TBC1D5: variants seen among roughly 807,000 people sequenced by gnomAD.
TBC1D5 encodes TBC1 domain family, member 5.
In TBC1D5, 75 loss-of-function variants were observed where a neutral mutation model predicts 100.3. That is an observed-to-expected ratio of 0.75 (90% CI 0.62 to 0.91). TBC1D5 has a LOEUF of 0.91. Among genes scored for constraint, TBC1D5 ranks in the 40% least tolerant of loss-of-function variants. The probability of loss-of-function intolerance (pLI) is 0.00; values close to 1 mark genes in which losing one functional copy is unlikely to be tolerated. For missense variants in TBC1D5, 910 were observed against 942.4 expected (o/e 0.97, Z 0.45); for synonymous variants, 323 against 325.6 (o/e 0.99, Z 0.09).
At chr3:17,190,482 A>T (rs1559379275) in intron 18 of TBC1D5, among the ~76,000 whole-genome samples, 1 of 152,242 alleles carries the variant, frequency 6.6e-6, no homozygotes, top group Non-Finnish European at 1.5e-5. Flanking sequence ...TATGGCACCT[A>T]GGCAACCAGG....
intron 1 of TBC1D5, among the ~76,000 whole-genome samples, chr3:17,639,529 C>T (rs908215611): frequency 4.6e-5 from 7 of 151,120 alleles, no homozygotes; most frequent in Admixed American, 1.3e-4. Flanking sequence ...TGCACGAGCA[C>T]AAACTATTCC....
At chr3:17,358,168 C>CTT (rs11412361) in intron 13 of TBC1D5, among the ~76,000 whole-genome samples, 13 of 151,062 alleles carry the variant, frequency 8.6e-5, no homozygotes, top group Admixed American at 4.0e-4. Context: ...ACAATGTTCA[C>CTT]TTTTTTTTTG....
At chr3:17,192,493 A>T (rs796568238) in intron 18 of TBC1D5, among the ~76,000 whole-genome samples, 24 of 152,300 alleles carry the variant, frequency 1.6e-4, no homozygotes, top group African/African-American at 5.8e-4. Flanking sequence ...GCTGCTCTTT[A>T]TGGGTTGCCT....
intron 1 of TBC1D5, among the ~76,000 whole-genome samples, chr3:17,678,012 G>T (rs979818547): frequency 1.3e-5 from 2 of 152,150 alleles, no homozygotes; most frequent in African/African-American, 4.8e-5. Context: ...TAGGGGGAGG[G>T]ATAGCATTAG....
At chr3:17,728,267 G>C (rs2076279660) in intron 1 of TBC1D5, among the ~76,000 whole-genome samples, 1 of 152,084 alleles carries the variant, frequency 6.6e-6, no homozygotes, top group African/African-American at 2.4e-5. Context: ...TTCTGAAAGT[G>C]GTAGCCAAAG....
At chr3:17,495,232 C>T (rs1412153713) in intron 3 of TBC1D5, among the ~76,000 whole-genome samples, 1 of 152,224 alleles carries the variant, frequency 6.6e-6, no homozygotes, top group Non-Finnish European at 1.5e-5. Flanking sequence ...TCTGCAGCTT[C>T]CTGCATTTTA....
intron 2 of TBC1D5, among the ~76,000 whole-genome samples, chr3:17,615,299 A>C (rs995870599): frequency 1.3e-5 from 2 of 152,208 alleles, no homozygotes; most frequent in African/African-American, 4.8e-5. Flanking sequence ...TATTTTATTG[A>C]GGATTTTTGC....
At chr3:17,705,982 T>C (rs1268270336) in intron 1 of TBC1D5, 2 of 1,276,098 alleles carry the variant, frequency 1.6e-6, no homozygotes, top group Admixed American at 5.7e-5. Context: ...ATTTCTTTAC[T>C]CTTTTTTTTT....
chr3:17,300,573 T>C (rs952406189), intron 14 of TBC1D5, among the ~76,000 whole-genome samples: 7 of 152,004 alleles, frequency 4.6e-5, no homozygotes, highest in African/African-American at 1.5e-4. Context: ...ACAACTGCCA[T>C]GCCATGCCAG....
At chr3:17,574,896 G>A (rs2096648344) in intron 2 of TBC1D5, among the ~76,000 whole-genome samples, 1 of 152,014 alleles carries the variant, frequency 6.6e-6, no homozygotes, top group African/African-American at 2.4e-5. Flanking sequence ...ATTGCTACAG[G>A]AACAACAAGT....
At chr3:17,591,060 C>G (rs965854084) in intron 2 of TBC1D5, among the ~76,000 whole-genome samples, 1 of 151,616 alleles carries the variant, frequency 6.6e-6, no homozygotes, top group Non-Finnish European at 1.5e-5. Flanking sequence ...CACGGTGAAA[C>G]TCCGTCTCTA....
At chr3:17,289,705 A>C (rs2081530651) in intron 15 of TBC1D5, among the ~76,000 whole-genome samples, 1 of 152,118 alleles carries the variant, frequency 6.6e-6, no homozygotes, top group Non-Finnish European at 1.5e-5. Context: ...AGACAATTTA[A>C]TTCAACCTCC....
At chr3:17,168,890 C>A (rs1255104432) in intron 19 of TBC1D5, among the ~76,000 whole-genome samples, 1 of 152,152 alleles carries the variant, frequency 6.6e-6, no homozygotes, top group Non-Finnish European at 1.5e-5. Context: ...CCATGCTTGG[C>A]CCCGTACAGC....
intron 8 of TBC1D5, among the ~76,000 whole-genome samples, chr3:17,393,762 G>A (rs192736649): frequency 5.4e-4 from 82 of 152,226 alleles, no homozygotes; most frequent in Middle Eastern, 3.4e-3. Flanking sequence ...GGGGAAACTG[G>A]CTAGCTATAT....
chr3:17,397,423 G>A (rs2093537352), intron 8 of TBC1D5, among the ~76,000 whole-genome samples: 1 of 152,118 alleles, frequency 6.6e-6, no homozygotes, highest in Non-Finnish European at 1.5e-5. Context: ...CCAGGCTGGA[G>A]TGCACTGGCA....
intron 4 of TBC1D5, among the ~76,000 whole-genome samples, chr3:17,423,194 A>G (rs1452446123): frequency 6.6e-6 from 1 of 152,134 alleles, no homozygotes; most frequent in Non-Finnish European, 1.5e-5. Context: ...AAAGGAAAAA[A>G]ACAAACAACA....
At chr3:17,184,220 C>T (rs555506550) in intron 19 of TBC1D5, among the ~76,000 whole-genome samples, 1 of 152,256 alleles carries the variant, frequency 6.6e-6, no homozygotes, top group East Asian at 1.9e-4. Context: ...TCCAATGTGA[C>T]ATGCATGACC....
chr3:17,499,789 T>A (rs1357872487), intron 3 of TBC1D5, among the ~76,000 whole-genome samples: 1 of 149,398 alleles, frequency 6.7e-6, no homozygotes, highest in East Asian at 1.9e-4. Flanking sequence ...AAAAGCTCCA[T>A]TATAGGCCAT....
intron 13 of TBC1D5, among the ~76,000 whole-genome samples, chr3:17,321,162 G>A (rs2085356812): frequency 6.6e-6 from 1 of 152,172 alleles, no homozygotes; most frequent in African/African-American, 2.4e-5. Flanking sequence ...TGAACTCCTA[G>A]GCTCAAGCAA....
Sources: allele counts gnomAD v4.1 joint callset (sites outside exome capture counted in the v4.1 genomes callset), GRCh38; gene constraint gnomAD v4.1.1; transcripts MANE v1.5; gene names NCBI Gene and HGNC (gene_info 2026-07-23, HGNC 2026-07-21).